Variants in ITGA1 observed in about 807,000 individuals in gnomAD.
The protein encoded by ITGA1 is integrin subunit alpha 1.
Under a neutral mutation model 145.9 loss-of-function variants are expected in ITGA1, and 85 were observed. The ratio of observed to expected loss-of-function variants is 0.58; its 90% CI spans 0.49 to 0.70. ITGA1 has a LOEUF of 0.70. Among genes scored for constraint, ITGA1 ranks in the 30% least tolerant of loss-of-function variants. The pLI is 0.00. For synonymous variants in ITGA1, 520 were observed against 495.3 expected, an observed-to-expected ratio of 1.05 and a Z score of -0.66; for missense variants, 1,351 against 1,418.7, an observed-to-expected ratio of 0.95 and a Z score of 0.77.
chr5:52,848,714 C>A (rs1313319145), intron 1 of ITGA1, among the ~76,000 whole-genome samples: 3 of 151,424 alleles, frequency 2.0e-5, no homozygotes, highest in Non-Finnish European at 4.4e-5. Context: ...TCTCCTAATG[C>A]TTTCCCTCCC....
chr5:52,907,253 G>A (rs1398638387), intron 12 of ITGA1, among the ~76,000 whole-genome samples: 11 of 152,078 alleles, frequency 7.2e-5, no homozygotes, highest in Admixed American at 4.6e-4. Flanking sequence ...CTTGGAAAAC[G>A]CATAACAGTT....
chr5:52,860,528 G>C (rs575333453), intron 2 of ITGA1, among the ~76,000 whole-genome samples: 3 of 152,306 alleles, frequency 2.0e-5, no homozygotes, highest in Admixed American at 6.5e-5. Flanking sequence ...TCTGGCAACA[G>C]AGCGAGACTC....
chr5:52,910,203 GACGTGCT>G lies in ITGA1; in HGVS notation c.1642_1648del (p.Thr548ValfsTer29). ...AAATGAGCCTGGAACCTATTAAGCAGACGTGCTGTTCATCTCGGCAGCACAATTCATG... is the reference window on the plus strand; with the variant it reads ...AAATGAGCCTGGAACCTATTAAGCAGGTTCATCTCGGCAGCACAATTCATG... On this transcript the variant is annotated frameshift_variant, in exon 14 of 29. Coordinates refer to ENST00000282588, the MANE Select transcript of ITGA1 (RefSeq NM_181501.2). LOFTEE classifies it high-confidence loss of function. The G allele has an allele frequency of 1.2e-6, 2 of 1,613,552 alleles. No individual in the cohort carries two copies. Among genetic ancestry groups the G allele is most frequent in the Non-Finnish European group, 1.7e-6 (2 of 1,179,552 alleles).
At chr5:52,890,405 T>A (rs569808303) in intron 8 of ITGA1, among the ~76,000 whole-genome samples, 1 of 152,358 alleles carries the variant, frequency 6.6e-6, no homozygotes, top group East Asian at 1.9e-4. Flanking sequence ...ATTCTGTTTT[T>A]AAAAATTGAA....
At chr5:52,913,035 C>T (rs537272075) in intron 14 of ITGA1, among the ~76,000 whole-genome samples, 1 of 152,068 alleles carries the variant, frequency 6.6e-6, no homozygotes, top group Admixed American at 6.6e-5. Context: ...CGTGAGCCAC[C>T]GTGCCTGGCC....
chr5:52,886,985 G>C (rs1750062407), intron 7 of ITGA1, among the ~76,000 whole-genome samples: 5 of 152,074 alleles, frequency 3.3e-5, no homozygotes, highest in South Asian at 2.1e-4. Context: ...CACCTTCTTA[G>C]CCAGGATAGT....
In ITGA1 at chr5:52,937,472, T is replaced by C. The variant is rs776893359; in HGVS notation, c.3036T>C (p.Asn1012=). 1.2e-6 allele frequency: 2 copies of C among 1,613,434 alleles called. No homozygotes were observed. Among genetic ancestry groups the C allele is most frequent in the Admixed American group, 1.7e-5 (1 of 60,024 alleles). Residue 1012 remains asparagine (N), a synonymous_variant, in exon 24 of 29, where the codon AAT becomes AAC. Coordinates refer to ENST00000282588, the MANE Select transcript of ITGA1 (RefSeq NM_181501.2). ...TTTCATTCCCCAATATGACATCAAA[T>C]GGTTACCCTGTGCTGTACCCAACTG... ...LSISFPNMTS[N]GYPVLYPTGL...
intron 16 of ITGA1, 98 bp from the exon 17 acceptor site, chr5:52,920,234 C>A: frequency 1.1e-6 from 1 of 925,800 alleles, no homozygotes; most frequent in Non-Finnish European, 1.6e-6. Flanking sequence ...GATTGATTGC[C>A]AAAGAGATTT....
intron 1 of ITGA1, among the ~76,000 whole-genome samples, chr5:52,813,216 A>T (rs982840926): frequency 1.3e-5 from 2 of 152,174 alleles, no homozygotes; most frequent in Non-Finnish European, 2.9e-5. Context: ...CTCATCCCTG[A>T]AACTGGTTCT....
At chr5:52,848,451 T>G (rs1287095160) in intron 1 of ITGA1, among the ~76,000 whole-genome samples, 1 of 152,208 alleles carries the variant, frequency 6.6e-6, no homozygotes, top group African/African-American at 2.4e-5. Flanking sequence ...CTGCCTGCTC[T>G]TTTCCACACA....
At chr5:52,878,788 G>T (rs1411714159) in intron 6 of ITGA1, among the ~76,000 whole-genome samples, 5 of 152,126 alleles carry the variant, frequency 3.3e-5, no homozygotes, top group African/African-American at 4.8e-5. Flanking sequence ...TGTGTGACTT[G>T]TGTCTAGCAG....
intron 1 of ITGA1, among the ~76,000 whole-genome samples, chr5:52,819,037 G>A (rs1280561467): frequency 6.6e-6 from 1 of 152,124 alleles, no homozygotes; most frequent in Admixed American, 6.6e-5. Context: ...ACAGTCAAAG[G>A]AGAGAGTTGT....
In ITGA1 at chr5:52,788,035, A is replaced by G; in HGVS notation, c.-319A>G. 1 of 326,236 alleles carries G rather than the reference A, an allele frequency of 3.1e-6. No homozygotes were observed. Among genetic ancestry groups the G allele is most frequent in the Non-Finnish European group, 5.6e-6 (1 of 178,638 alleles). 20.2% of individuals were successfully genotyped at this position (326,236 alleles called of 1,614,324 possible). A position where few individuals can be genotyped will look rare whatever the true frequency, so the allele number is the denominator to read the frequency against. On this transcript the variant is annotated 5_prime_UTR_variant, in exon 1 of 29. Transcript: ENST00000282588. ...CCCGTGGACTTTAGCCTAAACACGG[A>G]CCCGCGAAGCTGGCTTTATTTGTCC...
At chr5:52,839,598 T>C (rs1405430501) in intron 1 of ITGA1, among the ~76,000 whole-genome samples, 2 of 152,336 alleles carry the variant, frequency 1.3e-5, no homozygotes, top group Admixed American at 1.3e-4. Flanking sequence ...GTTGTACCTT[T>C]ATTAGCAGGT....
chr5:52,906,557 TAC>T (rs910375246), intron 12 of ITGA1, among the ~76,000 whole-genome samples: 2 of 152,226 alleles, frequency 1.3e-5, no homozygotes, highest in African/African-American at 4.8e-5. Flanking sequence ...TGCAAACATT[TAC>T]ACACACACAT....
chr5:52,925,701 G>A (rs529080061), intron 19 of ITGA1, among the ~76,000 whole-genome samples: 1 of 152,254 alleles, frequency 6.6e-6, no homozygotes, highest in East Asian at 1.9e-4. Context: ...GATTCTGTGT[G>A]AGAAAAGGAT....
In ITGA1 at chr5:52,954,753, C is replaced by T. The variant is rs981811524; in HGVS notation, c.*2302C>T. The T allele has an allele frequency of 1.3e-5, 2 of 151,960 alleles. No homozygotes were observed. Among genetic ancestry groups the T allele is most frequent in the African/African-American group, 2.4e-5 (1 of 41,346 alleles). 9.4% of individuals were successfully genotyped at this position (151,960 alleles called of 1,614,324 possible). ...CTATATCTGCAAGACAAGTTTGATT[C>T]ATCTAGTTTCATATAGTTTCATATA... On this transcript the variant is annotated 3_prime_UTR_variant, in exon 29 of 29. Coordinates refer to ENST00000282588, the MANE Select transcript of ITGA1 (RefSeq NM_181501.2).
intron 1 of ITGA1, among the ~76,000 whole-genome samples, chr5:52,838,929 TATACAAAAA>T (rs1215025566): frequency 6.6e-6 from 1 of 152,116 alleles, no homozygotes; most frequent in Non-Finnish European, 1.5e-5. Flanking sequence ...AGCACTTTTC[TATACAAAAA>T]ATACAAAAAT....
At chr5:52,944,457 T>TA (rs2111906922) in intron 26 of ITGA1, among the ~76,000 whole-genome samples, 1 of 152,258 alleles carries the variant, frequency 6.6e-6, no homozygotes, top group South Asian at 2.1e-4. Flanking sequence ...ACTTGCGGTG[T>TA]TTTCTCCCTA....
Sources: allele counts gnomAD v4.1 joint callset (sites outside exome capture counted in the v4.1 genomes callset), GRCh38; gene constraint gnomAD v4.1.1; transcripts MANE v1.5; gene names NCBI Gene and HGNC (gene_info 2026-07-23, HGNC 2026-07-21).